Variants in AFF2 observed in about 807,000 individuals in gnomAD.
AFF2 encodes AF4/FMR2 family member 2.
Under a neutral mutation model 76.9 loss-of-function variants are expected in AFF2, and 14 were observed. That is an observed-to-expected ratio of 0.18 (90% CI 0.12 to 0.28). The LOEUF (loss-of-function observed/expected upper bound fraction) is 0.28. Among genes scored for constraint, AFF2 ranks in the 10% least tolerant of loss-of-function variants. AFF2 has a pLI of 1.00. For synonymous variants in AFF2, 398 were observed against 366.7 expected, an observed-to-expected ratio of 1.09 and a Z score of -0.98; for missense variants, 868 against 1,001.1, an observed-to-expected ratio of 0.87 and a Z score of 1.79.
At chrX:148,526,642 A>T (rs1353595807) in intron 1 of AFF2, among the ~76,000 whole-genome samples, 1 of 111,176 alleles carries the variant, frequency 9.0e-6, no homozygotes, top group Non-Finnish European at 1.9e-5. Context: ...TTACTACCGG[A>T]GTGCCATTAT....
rs782521606 is a variant in AFF2 at position 148,980,803 on chromosome X, T to C, written c.3623+13T>C. ...TAAGCAATGGAAAGTAAGTATTTTC[T>C]GAAAATTGCTTTTTCGTGAAGATGA... is the stretch of plus-strand genomic sequence containing the variant. On this transcript the variant is annotated intron_variant, in intron 19 of 20. Coordinates refer to ENST00000370460, the MANE Select transcript of AFF2 (RefSeq NM_002025.4). 8.5e-7 allele frequency: 1 copy of C among 1,173,145 alleles called. No homozygotes were observed. The highest frequency in any genetic ancestry group is 1.8e-5 in the African/African-American group (1 of 56,572).
chrX:148,946,579 C>T (rs1357183413), intron 9 of AFF2, among the ~76,000 whole-genome samples: 1 of 112,765 alleles, frequency 8.9e-6, no homozygotes, highest in Non-Finnish European at 1.9e-5. Flanking sequence ...TGGCTGCATT[C>T]CTTTCTGAAG....
At chrX:148,961,623 T>G (rs889873519) in intron 12 of AFF2, among the ~76,000 whole-genome samples, 5 of 112,131 alleles carry the variant, frequency 4.5e-5, no homozygotes, top group African/African-American at 1.6e-4. Flanking sequence ...CCAAGGAGTC[T>G]GCATTGACTT....
intron 3 of AFF2, among the ~76,000 whole-genome samples, chrX:148,753,380 T>C (rs782709889): frequency 4.5e-5 from 5 of 111,863 alleles, no homozygotes; most frequent in African/African-American, 1.6e-4. Flanking sequence ...TTATAAGCTG[T>C]GGAGTAAATT....
intron 9 of AFF2, among the ~76,000 whole-genome samples, chrX:148,907,435 G>A (rs781995422): frequency 9.0e-6 from 1 of 111,586 alleles, no homozygotes; most frequent in Non-Finnish European, 1.9e-5. Flanking sequence ...TTTCACGTAG[G>A]TTCTTTTCTG....
chrX:148,762,508 G>GTGTGTGTA (rs782356186), intron 3 of AFF2, among the ~76,000 whole-genome samples: 3,066 of 106,298 alleles, frequency 0.029, 136 homozygotes, highest in African/African-American at 0.099. Flanking sequence ...GTGTGTGTGT[G>GTGTGTGTA]TATATAACAT....
chrX:148,695,651 T>C (rs1358899322), intron 3 of AFF2, among the ~76,000 whole-genome samples: 1 of 112,802 alleles, frequency 8.9e-6, no homozygotes, highest in Non-Finnish European at 1.9e-5. Flanking sequence ...CTACAGGCTG[T>C]TAACTAACAT....
intron 3 of AFF2, among the ~76,000 whole-genome samples, chrX:148,772,332 T>A (rs1245291416): frequency 1.8e-5 from 2 of 111,913 alleles, no homozygotes; most frequent in African/African-American, 6.5e-5. Context: ...CCTTTATGCA[T>A]CACAGTGTGT....
At chrX:148,687,204 G>C (rs2054609156) in intron 3 of AFF2, among the ~76,000 whole-genome samples, 1 of 111,407 alleles carries the variant, frequency 9.0e-6, no homozygotes, top group Non-Finnish European at 1.9e-5. Context: ...CTATATCATA[G>C]GGTTTCCTTT....
At position 148,701,017 on chromosome X, in the gene AFF2, T is replaced by A. The variant is rs868920964; in HGVS notation, c.1041+38249T>A. Reference sequence around the variant, plus strand: ...GAGAGAGAGAGAGAGAGAGAATGTGTGTGTGTGTGTGTGTGTGTGTGTGTG... The same window carrying A: ...GAGAGAGAGAGAGAGAGAGAATGTGAGTGTGTGTGTGTGTGTGTGTGTGTG... On this transcript the variant is annotated intron_variant, in intron 3 of 20. Transcript: ENST00000370460. Among the ~76,000 whole-genome samples, 666 of 94,277 alleles carry A rather than the reference T, an allele frequency of 7.1e-3. 3 individuals carry two copies. Among genetic ancestry groups the A allele is most frequent in the African/African-American group, 0.026 (602 of 23,563 alleles). The allele number at this position is 94,277 out of a possible 115,157, so 81.9% of individuals were successfully genotyped here. A position where few individuals can be genotyped will look rare whatever the true frequency, so the allele number is the denominator to read the frequency against.
chrX:148,732,551 T>G lies in AFF2; in HGVS notation c.1041+69783T>G, dbSNP rs868935617. ...GTAACTAACCTGCACAATGTGCACA[T>G]GTACCCTAAAACTTAAAGTATAATT... On this transcript the variant is annotated intron_variant, in intron 3 of 20. Transcript: ENST00000370460. Among the ~76,000 whole-genome samples the G allele has an allele frequency of 9.0e-3, 804 of 89,209 alleles. 5 individuals are homozygous for G. Among genetic ancestry groups the G allele is most frequent in the Middle Eastern group, 0.013 (2 of 151 alleles). 77.5% of individuals were successfully genotyped at this position (89,209 alleles called of 115,157 possible). A position where few individuals can be genotyped will look rare whatever the true frequency, so the allele number is the denominator to read the frequency against.
At chrX:148,690,085 G>T (rs1557260633) in intron 3 of AFF2, among the ~76,000 whole-genome samples, 1 of 112,022 alleles carries the variant, frequency 8.9e-6, no homozygotes, top group Non-Finnish European at 1.9e-5. Context: ...CTTATGGAAG[G>T]CCTGTTTGAA....
chrX:148,802,101 T>G (rs1219005638), intron 3 of AFF2, among the ~76,000 whole-genome samples: 1 of 112,487 alleles, frequency 8.9e-6, no homozygotes, highest in Non-Finnish European at 1.9e-5. Context: ...ATACATGACA[T>G]GTCATAGATA....
intron 5 of AFF2, among the ~76,000 whole-genome samples, chrX:148,838,910 G>A (rs182183203): frequency 7.7e-4 from 86 of 111,764 alleles, no homozygotes; most frequent in African/African-American, 2.6e-3. Flanking sequence ...AGAACTAAAC[G>A]AACAGCTAAT....
chrX:148,721,405 T>G (rs782764179), intron 3 of AFF2, among the ~76,000 whole-genome samples: 3 of 112,149 alleles, frequency 2.7e-5, no homozygotes, highest in Non-Finnish European at 3.8e-5. Flanking sequence ...TAATCGTCTC[T>G]ACCTCATAGT....
chrX:148,730,108 G>A (rs1408358799), intron 3 of AFF2, among the ~76,000 whole-genome samples: 1 of 112,239 alleles, frequency 8.9e-6, no homozygotes, highest in Non-Finnish European at 1.9e-5. Flanking sequence ...CACTTGAAGT[G>A]ATAAAAGGGT....
At chrX:148,534,130 G>T (rs2052758635) in intron 1 of AFF2, among the ~76,000 whole-genome samples, 1 of 112,206 alleles carries the variant, frequency 8.9e-6, no homozygotes, top group African/African-American at 3.2e-5. Flanking sequence ...AGAACCAAAT[G>T]ATTCAAATAG....
chrX:148,874,531 G>T (rs1017172467), intron 7 of AFF2, among the ~76,000 whole-genome samples: 61 of 111,312 alleles, frequency 5.5e-4, no homozygotes, highest in African/African-American at 1.6e-3. Context: ...AGTCTATTCA[G>T]CTCCCAACCC....
intron 15 of AFF2, among the ~76,000 whole-genome samples, chrX:148,971,747 C>CTTTTTTTTTTTTT (rs781928514): frequency 4.5e-5 from 2 of 44,730 alleles, no homozygotes; most frequent in African/African-American, 9.5e-5. Flanking sequence ...TTTTCTATTT[C>CTTTTTTTTTTTTT]TTTTTTTTTT....
Sources: gnomAD v4.1 joint callset for allele counts (sites outside exome capture counted in the v4.1 genomes callset) on GRCh38, gnomAD v4.1.1 for gene constraint, MANE v1.5 for transcripts, NCBI Gene and HGNC (gene_info 2026-07-23, HGNC 2026-07-21) for gene names.